LRRC37A2: variants seen among roughly 807,000 people sequenced by gnomAD.
LRRC37A2 encodes the protein leucine-rich repeat-containing protein 37A2.
Under a neutral mutation model 68.8 loss-of-function variants are expected in LRRC37A2, and 9 were observed. That is an observed-to-expected ratio of 0.13 (90% CI 0.08 to 0.23). LRRC37A2 has a LOEUF of 0.23. Among genes scored for constraint, LRRC37A2 ranks in the 10% least tolerant of loss-of-function variants. The pLI is 1.00. For missense variants in LRRC37A2, 168 were observed against 950.4 expected, an observed-to-expected ratio of 0.18 and a Z score of 10.82; for synonymous variants, 63 against 367.6, an observed-to-expected ratio of 0.17 and a Z score of 9.48.
At chr17:46,542,745 C>T (rs1300564561) in intron 8 of LRRC37A2, among the ~76,000 whole-genome samples, 1 of 150,220 alleles carries the variant, frequency 6.7e-6, no homozygotes, top group Non-Finnish European at 1.5e-5. Context: ...ATATGTATGC[C>T]TGCGGGGCCC....
At chr17:46,946,863 A>T in the LRRC37A2 span, among the ~76,000 whole-genome samples, 1 of 152,230 alleles carries the variant, frequency 6.6e-6, no homozygotes, top group African/African-American at 2.4e-5. Context: ...ACTCTGTTTC[A>T]ATTTTAAAAA....
the LRRC37A2 span, among the ~76,000 whole-genome samples, chr17:46,822,685 C>T: frequency 1.3e-5 from 2 of 152,228 alleles, no homozygotes; most frequent in Non-Finnish European, 2.9e-5. Flanking sequence ...ATCTACCTCG[C>T]AATCCCGGAG....
the LRRC37A2 span, among the ~76,000 whole-genome samples, chr17:46,708,855 T>C: frequency 7.2e-6 from 1 of 139,850 alleles, no homozygotes; most frequent in Non-Finnish European, 1.5e-5. Context: ...AGACTGAGTC[T>C]TGCTCTGTTG....
the LRRC37A2 span, among the ~76,000 whole-genome samples, chr17:46,764,859 C>T: frequency 2.0e-5 from 3 of 152,170 alleles, no homozygotes; most frequent in Admixed American, 6.5e-5. Flanking sequence ...GATCGAAATT[C>T]TACCTCCCCC....
chr17:46,970,790 TG>T, the LRRC37A2 span, among the ~76,000 whole-genome samples: 1 of 152,218 alleles, frequency 6.6e-6, no homozygotes, highest in African/African-American at 2.4e-5. Context: ...GGATGGCTTA[TG>T]TGGATATTAG....
At chr17:46,601,878 TAA>T in the LRRC37A2 span, among the ~76,000 whole-genome samples, 27 of 140,562 alleles carry the variant, frequency 1.9e-4, no homozygotes, top group Non-Finnish European at 1.7e-4. Context: ...CCCACTCCTT[TAA>T]AAAAAAAAAA....
the LRRC37A2 span, chr17:46,872,661 G>T: frequency 6.2e-7 from 1 of 1,613,728 alleles, no homozygotes; most frequent in Non-Finnish European, 8.5e-7. Flanking sequence ...AGCCCGGCCT[G>T]GCTGAGACCC....
chr17:46,882,035 A>G, the LRRC37A2 span, among the ~76,000 whole-genome samples: 280 of 152,244 alleles, frequency 1.8e-3, 1 homozygote, highest in African/African-American at 6.4e-3. Flanking sequence ...TCACACCCAT[A>G]ATCCCAGCGA....
chr17:46,800,794 T>C, the LRRC37A2 span, among the ~76,000 whole-genome samples: 2 of 152,138 alleles, frequency 1.3e-5, no homozygotes, highest in Non-Finnish European at 2.9e-5. Context: ...ACAGGTGACT[T>C]ACAGTCTAGT....
the LRRC37A2 span, among the ~76,000 whole-genome samples, chr17:46,856,698 G>A: frequency 6.6e-6 from 1 of 150,878 alleles, no homozygotes; most frequent in East Asian, 1.9e-4. Flanking sequence ...TGGCCAAGCA[G>A]GTCTCAAACT....
chr17:46,974,989 T>TTTC, the LRRC37A2 span, among the ~76,000 whole-genome samples: 4 of 13,296 alleles, frequency 3.0e-4, no homozygotes, highest in Non-Finnish European at 2.8e-4. Context: ...ACTATTTTCT[T>TTTC]TTTTTTTTTT....
the LRRC37A2 span, among the ~76,000 whole-genome samples, chr17:46,893,608 A>G: frequency 6.6e-6 from 1 of 151,576 alleles, no homozygotes; most frequent in Non-Finnish European, 1.5e-5. Flanking sequence ...GGAGGGCAGG[A>G]CCCCCTTGAC....
chr17:46,404,912 A>G, the LRRC37A2 span, among the ~76,000 whole-genome samples: 2 of 92,602 alleles, frequency 2.2e-5, 1 homozygote, highest in Admixed American at 2.2e-4. Flanking sequence ...ATAAATAAAT[A>G]AATGGTGTGG....
chr17:46,939,602 T>G, the LRRC37A2 span: 1 of 985,598 alleles, frequency 1.0e-6, no homozygotes, highest in South Asian at 4.7e-5. Flanking sequence ...AATTACAGTC[T>G]CAGCTCTAGT....
At chr17:46,780,526 C>T in the LRRC37A2 span, among the ~76,000 whole-genome samples, 2 of 152,182 alleles carry the variant, frequency 1.3e-5, no homozygotes, top group Non-Finnish European at 2.9e-5. Context: ...CGGTGGCTCA[C>T]GCTTGTAATC....
At chr17:46,940,667 G>A in the LRRC37A2 span, 21 of 1,612,906 alleles carry the variant, frequency 1.3e-5, no homozygotes, top group East Asian at 2.2e-5. Flanking sequence ...ATCATGCGTG[G>A]ACTGATAGGA....
chr17:46,794,939 C>T, the LRRC37A2 span, among the ~76,000 whole-genome samples: 1 of 151,770 alleles, frequency 6.6e-6, no homozygotes, highest in African/African-American at 2.4e-5. Context: ...TTAGTAGAGA[C>T]GGGGTTTCAC....
At chr17:46,398,120 G>T in the LRRC37A2 span, among the ~76,000 whole-genome samples, 1 of 82,666 alleles carries the variant, frequency 1.2e-5, no homozygotes. Context: ...GCCAGACCTT[G>T]CCTCACAAAA....
chr17:46,970,560 A>C, the LRRC37A2 span, among the ~76,000 whole-genome samples: 3 of 129,448 alleles, frequency 2.3e-5, no homozygotes, highest in South Asian at 2.6e-4. Context: ...AAAAAAAAAA[A>C]CTCAAGACAG....
Sources: gnomAD v4.1 joint callset for allele counts (sites outside exome capture counted in the v4.1 genomes callset) on GRCh38, gnomAD v4.1.1 for gene constraint, MANE v1.5 for transcripts, NCBI Gene and HGNC (gene_info 2026-07-23, HGNC 2026-07-21) for gene names.